Variants in EMX1 observed in about 807,000 individuals in gnomAD.
The protein encoded by EMX1 is empty spiracles homeobox 1, also known as homeobox protein EMX1.
EMX1 carries 10 observed loss-of-function variants against 20.1 expected under a neutral mutation model. The observed-to-expected ratio is 0.50, with a 90% CI of 0.31 to 0.84. The LOEUF is 0.84. EMX1 is among the 40% of genes least tolerant of loss of function. The pLI is 0.05. For missense variants in EMX1, 424 were observed against 431.9 expected (o/e 0.98, Z 0.16); for synonymous variants, 250 against 200.4 (o/e 1.25, Z -2.09).
At chr2:72,921,733 C>T (rs558115059) in intron 1 of EMX1, among the ~76,000 whole-genome samples, 5 of 152,200 alleles carry the variant, frequency 3.3e-5, no homozygotes, top group South Asian at 2.1e-4. Flanking sequence ...GTGAATATAC[C>T]CTTTAGGACA....
intron 1 of EMX1, among the ~76,000 whole-genome samples, 169 bp downstream of exon 1, chr2:72,918,541 G>A (rs374896387): frequency 1.3e-5 from 2 of 152,262 alleles, no homozygotes; most frequent in Non-Finnish European, 2.9e-5. Context: ...ATCCACCCGC[G>A]CCTTCGCCGC....
chr2:72,930,497 G>C lies in EMX1; in HGVS notation c.706-3290G>C, dbSNP rs568972948. On this transcript the variant is annotated intron_variant, in intron 2 of 2. Coordinates refer to ENST00000258106, the MANE Select transcript of EMX1 (RefSeq NM_004097.3). The surrounding 1 kb of genome is among the most constrained non-coding windows in gnomAD (Gnocchi z 4.4). ...ACTTCACAGTGAAATGAGGACTTGG[G>C]AGACCACAAGGGACCTCTTGCTACA... is the stretch of plus-strand genomic sequence containing the variant. Among the ~76,000 whole-genome samples, 5 of 152,316 alleles carry C rather than the reference G, an allele frequency of 3.3e-5. No homozygotes were observed. The South Asian group carries it at 1.0e-3, about 32-fold the overall frequency.
At chr2:72,927,983 C>G (rs1238695258) in intron 2 of EMX1, among the ~76,000 whole-genome samples, 1 of 152,220 alleles carries the variant, frequency 6.6e-6, no homozygotes, top group Non-Finnish European at 1.5e-5. Context: ...GTGGATAAAA[C>G]TTCTCGGAGG....
intron 1 of EMX1, among the ~76,000 whole-genome samples, chr2:72,921,254 G>C (rs1287187737): frequency 6.6e-6 from 1 of 152,190 alleles, no homozygotes; most frequent in African/African-American, 2.4e-5. Flanking sequence ...AGGGAAGCAG[G>C]GAGGAGAGGG....
chr2:72,919,180 TACACACACACACACAC>T (rs70963149), intron 1 of EMX1, among the ~76,000 whole-genome samples: 2 of 142,614 alleles, frequency 1.4e-5, no homozygotes, highest in South Asian at 2.3e-4. Context: ...CCACTGGCCC[TACACACACACACACAC>T]ACACACACAC....
chr2:72,934,346 T>C lies in EMX1; in HGVS notation c.*392T>C, dbSNP rs1401350560. 1 of 169,038 alleles carries C rather than the reference T, an allele frequency of 5.9e-6. No individual in the cohort carries two copies. The highest frequency in any genetic ancestry group is 2.4e-5 in the African/African-American group (1 of 41,824). 10.5% of individuals were successfully genotyped at this position (169,038 alleles called of 1,614,324 possible). On this transcript the variant is annotated 3_prime_UTR_variant, in exon 3 of 3. Coordinates refer to ENST00000258106, the MANE Select transcript of EMX1 (RefSeq NM_004097.3). Reference sequence around the variant, plus strand: ...GGAATAATAAAAGTCTCTCTCTTAATGACACGGGCATCCAGCTCCAGCCCC... The same window carrying C: ...GGAATAATAAAAGTCTCTCTCTTAACGACACGGGCATCCAGCTCCAGCCCC...
intron 1 of EMX1, among the ~76,000 whole-genome samples, chr2:72,919,179 C>CCACACACA (rs1559057463): frequency 1.3e-4 from 12 of 91,672 alleles, no homozygotes; most frequent in African/African-American, 6.3e-4. Context: ...TCCACTGGCC[C>CCACACACA]TACACACACA....
At position 72,917,993 on chromosome 2, in the gene EMX1, C is replaced by A; in HGVS notation, c.141C>A (p.Ser47=). ...PAAKRGFTIE[S]LVAKDGGTGG... is the part of the protein sequence containing the mutation. ...CCAAGCGCGGCTTTACCATAGAGTC[C>A]TTGGTGGCCAAGGACGGCGGCACCG... is the stretch of plus-strand genomic sequence containing the variant. The change falls in exon 1 of 3, where the codon TCC becomes TCA. Residue 47 remains serine (S), a synonymous_variant. Coordinates refer to ENST00000258106, the MANE Select transcript of EMX1 (RefSeq NM_004097.3). 1 of 1,468,376 alleles carries A rather than the reference C, an allele frequency of 6.8e-7. No homozygotes were observed. Among genetic ancestry groups the A allele is most frequent in the South Asian group, 1.3e-5 (1 of 76,818 alleles). The allele number at this position is 1,468,376 out of a possible 1,614,324, so 91.0% of individuals were successfully genotyped here. A position where few individuals can be genotyped will look rare whatever the true frequency, so the allele number is the denominator to read the frequency against.
intron 1 of EMX1, among the ~76,000 whole-genome samples, chr2:72,918,680 T>C (rs1257249926): frequency 6.6e-6 from 1 of 152,054 alleles, no homozygotes; most frequent in African/African-American, 2.4e-5. Context: ...CCCAATTCTC[T>C]CTCCCAGCTG....
At position 72,933,744 on chromosome 2, in the gene EMX1, G is replaced by T. The variant is rs768368199; in HGVS notation, c.706-43G>T. On this transcript the variant is annotated intron_variant, in intron 2 of 2. Transcript: ENST00000258106. ...TGAGGCCCCAGTGGCTGCTCTGGGG[G>T]CCTCCTGAGTTTCTCATCTGTGCCC... 4 of 1,607,054 alleles carry T rather than the reference G, an allele frequency of 2.5e-6. No individual in the cohort carries two copies. The African/African-American group carries it at 4.0e-5, about 16-fold the overall frequency.
intron 2 of EMX1, chr2:72,925,771 A>C: frequency 1.0e-6 from 1 of 984,920 alleles, no homozygotes; most frequent in Non-Finnish European, 1.2e-6. Context: ...GGCGGACCTT[A>C]CCCTCTCCTC....
In EMX1 at chr2:72,933,693, T is replaced by C; in HGVS notation, c.706-94T>C. The C allele has an allele frequency of 2.0e-6, 3 of 1,499,620 alleles. No homozygotes were observed. In the Admixed American group the frequency reaches 6.3e-5, roughly 31 times the overall value. 92.9% of individuals were successfully genotyped at this position (1,499,620 alleles called of 1,614,324 possible). A position where few individuals can be genotyped will look rare whatever the true frequency, so the allele number is the denominator to read the frequency against. On this transcript the variant is annotated intron_variant, in intron 2 of 2. Coordinates refer to ENST00000258106, the MANE Select transcript of EMX1 (RefSeq NM_004097.3). ...ACCCTATGTAGCCTCAGTCTTCCCA[T>C]CAGGCTCTCAGCTCAGCCTGAGTGT... is the stretch of plus-strand genomic sequence containing the variant.
Position 72,930,427 on chromosome 2 carries a change from T to G in EMX1, c.706-3360T>G, listed in dbSNP as rs1193339362. Reference sequence around the variant, plus strand: ...TTCCAGGGTTGGTAAGTCAGGAGAATGGAGACTTTTGGAAGGATGTGGCCT... The same window carrying G: ...TTCCAGGGTTGGTAAGTCAGGAGAAGGGAGACTTTTGGAAGGATGTGGCCT... On this transcript the variant is annotated intron_variant, in intron 2 of 2. Transcript: ENST00000258106. This position sits in a 1 kb window ranked among gnomAD's most constrained non-coding sequence, Gnocchi z 4.4. Among the ~76,000 whole-genome samples, 6 of 152,098 alleles carry G rather than the reference T, an allele frequency of 3.9e-5. No homozygotes were observed.
At chr2:72,916,498 G>A, upstream of EMX1, 1 of 595,198 alleles carries the variant, frequency 1.7e-6, no homozygotes, top group Non-Finnish European at 3.0e-6. Context: ...AGGTGGGGTG[G>A]GAAAGTTTGG....
chr2:72,925,976 ATAAGT>A (rs1239835643), intron 2 of EMX1: 4 of 985,220 alleles, frequency 4.1e-6, no homozygotes, highest in African/African-American at 1.7e-5. Context: ...GTTTTTAAAA[ATAAGT>A]TAATAAAATA....
upstream of EMX1, chr2:72,916,722 C>T (rs1670968615): frequency 1.4e-6 from 1 of 717,404 alleles, no homozygotes; most frequent in East Asian, 2.7e-5. Context: ...ATTTAAGCCA[C>T]AGTGTCTCCG....
chr2:72,921,695 A>C (rs1431251083), intron 1 of EMX1, among the ~76,000 whole-genome samples: 1 of 152,224 alleles, frequency 6.6e-6, no homozygotes, highest in African/African-American at 2.4e-5. Context: ...ATAGGGTTAG[A>C]AGGACCCCTG....
At chr2:72,917,091 G>C (rs917735939), upstream of EMX1, 1 of 626,600 alleles carries the variant, frequency 1.6e-6, no homozygotes, top group African/African-American at 1.8e-5. Context: ...CGGAGAGCAG[G>C]GGGGCAGAGA....
intron 1 of EMX1, among the ~76,000 whole-genome samples, chr2:72,920,966 G>A (rs1425217710): frequency 6.6e-6 from 1 of 152,206 alleles, no homozygotes; most frequent in Non-Finnish European, 1.5e-5. Flanking sequence ...CCTTTGTTCT[G>A]GCAGGAGGAC....
Sources: gnomAD v4.1 joint callset for allele counts (sites outside exome capture counted in the v4.1 genomes callset) on GRCh38, gnomAD v4.1.1 for gene constraint, Gnocchi (gnomAD v3.1) non-coding constraint, MANE v1.5 for transcripts, NCBI Gene and HGNC (gene_info 2026-07-23, HGNC 2026-07-21) for gene names.